The following MSH6 variants were observed in gnomAD, a reference collection of about 807,000 sequenced individuals.
MSH6 encodes the protein mutS homolog 6, also known as DNA mismatch repair protein Msh6.
A neutral mutation model predicts 119.1 loss-of-function variants in MSH6; 85 were observed. The observed-to-expected ratio is 0.71, with a 90% CI of 0.60 to 0.85. The LOEUF is 0.85. Among genes scored for constraint, MSH6 ranks in the 40% least tolerant of loss-of-function variants. MSH6 has a pLI of 0.00. For synonymous variants in MSH6, 830 were observed against 586.9 expected, an observed-to-expected ratio of 1.41 and a Z score of -5.99; for missense variants, 2,163 against 1,655.3, an observed-to-expected ratio of 1.31 and a Z score of -5.32.
chr2:47,796,107 TG>T (rs1669074641), intron 3 of MSH6, 44 bp downstream of exon 3: 1 of 1,603,306 alleles, frequency 6.2e-7, no homozygotes, highest in Non-Finnish European at 8.5e-7. Context: ...GTTAGGGTGA[TG>T]GGGGAAGAAA....
Position 47,783,243 on chromosome 2 carries a change from C to G in MSH6, c.10C>G (p.Gln4Glu), listed in dbSNP as rs786201042. ...CTTGCCGGCTGTCGGTATGTCGCGA[C>G]AGAGCACCCTGTACAGCTTCTTCCC... The part of the protein sequence containing the change: MSR[Q>E]STLYSFFPKS... The change falls in exon 1 of 10, where the codon CAG becomes GAG. Residue 4 changes from glutamine to glutamate, a missense_variant. Gln to Glu is a conservative substitution (Grantham distance 29). Coordinates refer to ENST00000234420, the MANE Select transcript of MSH6 (RefSeq NM_000179.3). 1.2e-6 allele frequency: 2 copies of G among 1,611,596 alleles called. No individual in the cohort carries two copies. Among genetic ancestry groups the G allele is most frequent in the Non-Finnish European group, 1.7e-6 (2 of 1,179,422 alleles).
rs63750985 is a variant in MSH6, at chr2:47,800,278, C to T, written c.2295C>T (p.Cys765=). The change falls in exon 4 of 10, where the codon TGC becomes TGT. Residue 765 remains cysteine, a synonymous_variant. Transcript: ENST00000234420. ...CCCTACTAGAGAGGGTTGATACTTG[C>T]CATACTCCTTTTGGTAAGCGGCTCC... ...EGTLLERVDT[C]HTPFGKRLLK... 8.7e-6 allele frequency: 14 copies of T among 1,614,090 alleles called. No individual in the cohort carries two copies. The highest frequency in any genetic ancestry group is 3.3e-5 in the South Asian group (3 of 91,078).
At chr2:47,809,746 A>G (rs1670479836), downstream of MSH6, 3 of 1,353,772 alleles carry the variant, frequency 2.2e-6, no homozygotes, top group South Asian at 3.6e-5. Flanking sequence ...ACATCACTTT[A>G]TACTGCTTCT....
intron 3 of MSH6, among the ~76,000 whole-genome samples, chr2:47,797,580 A>G (rs1456557609): frequency 6.6e-6 from 1 of 152,234 alleles, no homozygotes; most frequent in African/African-American, 2.4e-5. Flanking sequence ...CCTGATATTT[A>G]TGATATATGG....
At chr2:47,802,026 TTTTA>T (rs1168308544) in intron 4 of MSH6, among the ~76,000 whole-genome samples, 6 of 152,330 alleles carry the variant, frequency 3.9e-5, no homozygotes, top group African/African-American at 1.4e-4. Flanking sequence ...AAGTTGAGCT[TTTTA>T]TTATTTGGTG....
rs1259890299 is a variant in MSH6 at position 47,799,576 on chromosome 2, C to T, written c.1593C>T (p.Pro531=). 4 of 1,614,138 alleles carry T rather than the reference C, an allele frequency of 2.5e-6. No individual in the cohort carries two copies. Among genetic ancestry groups the T allele is most frequent in the Non-Finnish European group, 1.7e-6 (2 of 1,180,030 alleles). ...CTTACAGTGTGCTGGAAGGTGATCC[C>T]TCTGAGAACTACAGTAAGTATCTTC... ...TQTYSVLEGD[P]SENYSKYLLS... Residue 531 remains proline (P), a synonymous_variant, in exon 4 of 10, where the codon CCC becomes CCT. Transcript: ENST00000234420.
intron 1 of MSH6, among the ~76,000 whole-genome samples, chr2:47,788,933 T>C (rs1668551592): frequency 1.1e-5 from 1 of 94,052 alleles, no homozygotes; most frequent in Non-Finnish European, 2.1e-5. Context: ...TTTTTTTTTT[T>C]TTTTTTTTTT....
intron 4 of MSH6, among the ~76,000 whole-genome samples, chr2:47,801,744 C>T (rs141436372): frequency 2.0e-5 from 3 of 152,210 alleles, no homozygotes; most frequent in African/African-American, 2.4e-5. Flanking sequence ...CCAGGACAGA[C>T]CTCTCGTGTC....
chr2:47,809,288 G>GT, downstream of MSH6: 2 of 1,419,766 alleles, frequency 1.4e-6, no homozygotes, highest in Non-Finnish European at 9.8e-7. Flanking sequence ...GAAAGAATAA[G>GT]TAAAAATTCA....
intron 4 of MSH6, among the ~76,000 whole-genome samples, chr2:47,801,639 G>A (rs1234559726): frequency 6.6e-6 from 1 of 151,602 alleles, no homozygotes; most frequent in Non-Finnish European, 1.5e-5. Context: ...AAAGTGCTGA[G>A]GTTACAGGCA....
At chr2:47,790,793 TTTAAAAA>T in intron 1 of MSH6, 127 bp from the exon 2 acceptor site, 1 of 811,934 alleles carries the variant, frequency 1.2e-6, no homozygotes, top group South Asian at 1.6e-5. Context: ...AATATCTGAC[TTTAAAAA>T]TTATTCTAGA....
At chr2:47,804,827 T>TA in intron 5 of MSH6, 83 bp from the exon 6 acceptor site, 4 of 1,031,836 alleles carry the variant, frequency 3.9e-6, no homozygotes, top group Non-Finnish European at 6.2e-6. Context: ...GCCTAGCTCT[T>TA]ACGTAAGGGT....
chr2:47,791,798 T>G (rs1349063175), intron 2 of MSH6, among the ~76,000 whole-genome samples: 1 of 147,758 alleles, frequency 6.8e-6, no homozygotes, highest in Non-Finnish European at 1.5e-5. Flanking sequence ...TACCTCAGCC[T>G]CCCGAGTAGC....
Position 47,806,218 on chromosome 2 carries a change from A to T in MSH6, c.3661A>T (p.Thr1221Ser), listed in dbSNP as rs1670041286. The change falls in exon 8 of 10, where the codon ACA (threonine) becomes TCA (serine). Residue 1221 changes from threonine (T) to serine (S), a missense_variant. Transcript: ENST00000234420. ...TACTTTAACAGGAAGAGGTACTGCA[A>T]CATTTGATGGGACGGCAATAGCAAA... ...LVDELGRGTATFDGTAIANAV... is the reference protein window; with the variant it reads ...LVDELGRGTASFDGTAIANAV... The T allele has an allele frequency of 6.2e-7, 1 of 1,614,080 alleles. No homozygotes were observed. Among genetic ancestry groups the T allele is most frequent in the Non-Finnish European group, 8.5e-7 (1 of 1,179,966 alleles).
In MSH6 at chr2:47,803,318, T is replaced by C. The variant is rs562052178; in HGVS notation, c.3173-102T>C. The C allele has an allele frequency of 6.9e-6, 10 of 1,459,848 alleles. No individual in the cohort carries two copies. The South Asian group carries it at 9.3e-5, about 14-fold the overall frequency. The allele number at this position is 1,459,848 out of a possible 1,614,324, so 90.4% of individuals were successfully genotyped here. ...ATCGTTGGACTGTAATTGAAAGTTA[T>C]GTCTTATAATGAAATGTGTTATATA... is the stretch of plus-strand genomic sequence containing the variant. On this transcript the variant is annotated intron_variant, in intron 4 of 9. Coordinates refer to ENST00000234420, the MANE Select transcript of MSH6 (RefSeq NM_000179.3).
At position 47,806,779 on chromosome 2, in the gene MSH6, G is replaced by GGAA; in HGVS notation, c.4004_4006dup (p.Glu1335dup). 6.3e-7 allele frequency: 1 copy of GGAA among 1,589,200 alleles called. No homozygotes were observed. The highest frequency in any genetic ancestry group is 8.6e-7 in the Non-Finnish European group (1 of 1,167,552). ...TTTTTTTTTTTTTTTTAATTTTAAGGGAAGTTTGCCTGGCTAGTGAAAGGT... is the reference window on the plus strand; with the variant it reads ...TTTTTTTTTTTTTTTTAATTTTAAGGGAAGAAGTTTGCCTGGCTAGTGAAAGGT... On this transcript the variant is annotated inframe_insertion and splice_region_variant, in exon 10 of 10. Coordinates refer to ENST00000234420, the MANE Select transcript of MSH6 (RefSeq NM_000179.3).
At chr2:47,808,593 G>T, downstream of MSH6, 1 of 523,300 alleles carries the variant, frequency 1.9e-6, no homozygotes, top group Non-Finnish European at 3.3e-6. Context: ...TGGAGTAAGT[G>T]ATTTTCCTGT....
chr2:47,785,824 T>C (rs1259540548), intron 1 of MSH6, among the ~76,000 whole-genome samples: 2 of 152,254 alleles, frequency 1.3e-5, no homozygotes, highest in East Asian at 3.8e-4. Context: ...TACATTCATA[T>C]TGAATAGCGT....
At position 47,806,851 on chromosome 2, in the gene MSH6, G is replaced by C. The variant is rs759392159; in HGVS notation, c.4074G>C (p.Lys1358Asn). Residue 1358 changes from lysine to asparagine, a missense_variant, in exon 10 of 10, where the codon AAG becomes AAC. Coordinates refer to ENST00000234420, the MANE Select transcript of MSH6 (RefSeq NM_000179.3). ...TCCATAAATTGCTGACTTTGATTAA[G>C]GAATTATAGACTGACTACATTGGAA... ...EAVHKLLTLI[K>N]EL 2 of 1,610,228 alleles carry C rather than the reference G, an allele frequency of 1.2e-6. No individual in the cohort carries two copies. Among genetic ancestry groups the C allele is most frequent in the Non-Finnish European group, 1.7e-6 (2 of 1,177,720 alleles).
Sources: gnomAD v4.1 joint callset for allele counts (sites outside exome capture counted in the v4.1 genomes callset) on GRCh38, gnomAD v4.1.1 for gene constraint, MANE v1.5 for transcripts, NCBI Gene and HGNC (gene_info 2026-07-23, HGNC 2026-07-21) for gene names.